DGKI: variants seen among roughly 807,000 people sequenced by gnomAD.
The protein encoded by DGKI is DAG kinase iota.
Under a neutral mutation model 147.5 loss-of-function variants are expected in DGKI, and 55 were observed. The observed-to-expected ratio is 0.37, with a 90% CI of 0.30 to 0.47. DGKI has a LOEUF of 0.47. DGKI is among the 20% of genes least tolerant of loss of function. DGKI has a pLI of 1.00. For synonymous variants in DGKI, 469 were observed against 477.1 expected, an observed-to-expected ratio of 0.98 and a Z score of 0.22; for missense variants, 1,007 against 1,323.8, an observed-to-expected ratio of 0.76 and a Z score of 3.71.
At chr7:137,511,093 TTC>T (rs1816564980) in intron 21 of DGKI, among the ~76,000 whole-genome samples, 1 of 152,202 alleles carries the variant, frequency 6.6e-6, no homozygotes, top group East Asian at 1.9e-4. Context: ...AAAATTGTGG[TTC>T]TGAGTCAATC....
At chr7:137,457,068 G>T (rs1814232911) in intron 27 of DGKI, among the ~76,000 whole-genome samples, 1 of 152,126 alleles carries the variant, frequency 6.6e-6, no homozygotes, top group East Asian at 1.9e-4. Flanking sequence ...GGTAAGTCAA[G>T]AAGAAAAAGA....
At chr7:137,654,861 A>C (rs1822162669) in intron 4 of DGKI, 73 bp from the exon 5 acceptor site, 1 of 938,644 alleles carries the variant, frequency 1.1e-6, no homozygotes. Context: ...TGAAAAAAAA[A>C]AAAACAGTGA....
intron 3 of DGKI, among the ~76,000 whole-genome samples, chr7:137,658,758 G>A (rs1030508757): frequency 2.0e-5 from 3 of 152,208 alleles, no homozygotes; most frequent in African/African-American, 7.2e-5. Context: ...TCAGGATTCT[G>A]AGTCAAAACA....
chr7:137,770,285 G>A (rs570123083), intron 1 of DGKI, among the ~76,000 whole-genome samples: 47 of 152,152 alleles, frequency 3.1e-4, no homozygotes, highest in African/African-American at 9.6e-4. Flanking sequence ...ATGGACACAG[G>A]GAGGGGAACA....
At chr7:137,736,271 G>A (rs981121331) in intron 1 of DGKI, among the ~76,000 whole-genome samples, 1 of 152,048 alleles carries the variant, frequency 6.6e-6, no homozygotes, top group Non-Finnish European at 1.5e-5. Flanking sequence ...ACCATTTCCA[G>A]TATTAAAATA....
At chr7:137,747,964 G>A (rs1313373631) in intron 1 of DGKI, among the ~76,000 whole-genome samples, 3 of 152,114 alleles carry the variant, frequency 2.0e-5, no homozygotes, top group African/African-American at 7.2e-5. Context: ...CACATTTTAC[G>A]ACAAGGAAAT....
At chr7:137,665,531 A>G (rs1335345237) in intron 3 of DGKI, among the ~76,000 whole-genome samples, 1 of 152,156 alleles carries the variant, frequency 6.6e-6, no homozygotes, top group Non-Finnish European at 1.5e-5. Flanking sequence ...ATGCTCTTCG[A>G]ACAGCGTGTT....
intron 1 of DGKI, among the ~76,000 whole-genome samples, chr7:137,763,261 ACTAT>A (rs1395594464): frequency 2.0e-5 from 3 of 152,212 alleles, no homozygotes; most frequent in Admixed American, 6.5e-5. Context: ...ATGCTATCTG[ACTAT>A]CTGACTGTCC....
At chr7:137,689,858 C>G (rs779917721) in intron 2 of DGKI, 36 bp downstream of exon 2, 2 of 1,356,010 alleles carry the variant, frequency 1.5e-6, no homozygotes, top group Admixed American at 4.9e-5. Flanking sequence ...AAAACATGCA[C>G]TGAAGTGATG....
rs375087766 is a variant in DGKI, at chr7:137,463,473, G to T, written c.2735+16C>A. The stretch of plus-strand genomic sequence containing the variant: ...CACAGTGGCACAGAGGAAAAGAACA[G>T]CAAGAGAACTCTTACTGTAGCACGC... On this transcript the variant is annotated intron_variant, in intron 27 of 32. Transcript: ENST00000614521. 2 of 1,612,878 alleles carry T rather than the reference G, an allele frequency of 1.2e-6. No homozygotes were observed. Among genetic ancestry groups the T allele is most frequent in the African/African-American group, 2.7e-5 (2 of 74,914 alleles).
chr7:137,536,148 C>T (rs1817512571), intron 20 of DGKI, among the ~76,000 whole-genome samples: 1 of 152,048 alleles, frequency 6.6e-6, no homozygotes, highest in South Asian at 2.1e-4. Flanking sequence ...CATATATGCA[C>T]ACACAAGAAA....
chr7:137,463,302 C>A (rs895150248), intron 27 of DGKI, among the ~76,000 whole-genome samples, 187 bp downstream of exon 27: 1 of 152,114 alleles, frequency 6.6e-6, no homozygotes, highest in African/African-American at 2.4e-5. Flanking sequence ...AGGTGGAGTT[C>A]CATGAACGGT....
intron 1 of DGKI, among the ~76,000 whole-genome samples, chr7:137,819,791 A>G (rs1161372533): frequency 6.6e-6 from 1 of 152,210 alleles, no homozygotes; most frequent in East Asian, 1.9e-4. Context: ...ACAGCCTGCC[A>G]GTTCATCCTG....
At chr7:137,827,015 G>T (rs1032057468) in intron 1 of DGKI, among the ~76,000 whole-genome samples, 1 of 152,128 alleles carries the variant, frequency 6.6e-6, no homozygotes, top group Admixed American at 6.6e-5. Flanking sequence ...TAAGGCATGA[G>T]AAAAGCCTGG....
intron 6 of DGKI, among the ~76,000 whole-genome samples, chr7:137,633,070 G>A (rs1384802066): frequency 3.3e-5 from 5 of 151,780 alleles, no homozygotes; most frequent in Non-Finnish European, 7.4e-5. Context: ...AAATTACTCG[G>A]GCGTGGTGAC....
At chr7:137,467,402 T>A (rs35172470) in intron 24 of DGKI, among the ~76,000 whole-genome samples, 23,328 of 152,222 alleles carry the variant, frequency 0.15, 3,675 homozygotes, top group African/African-American at 0.4. Context: ...GATCTTAAAG[T>A]AAGTTAGGAA....
chr7:137,445,488 T>G lies in DGKI; in HGVS notation c.2736-1386A>C, dbSNP rs1040666031. 3.9e-5 allele frequency among the ~76,000 whole-genome samples: 6 copies of G among 152,248 alleles called. No homozygotes were observed. The East Asian group carries it at 5.8e-4, about 15-fold the overall frequency. On this transcript the variant is annotated intron_variant, in intron 27 of 32. Transcript: ENST00000614521. ...CACCATTTGGCCTCCCTGGGTAGGG[T>G]TGATTTATCCTCCCACTGGATTCCC...
intron 1 of DGKI, among the ~76,000 whole-genome samples, chr7:137,833,184 T>C (rs187729933): frequency 1.8e-4 from 27 of 152,338 alleles, no homozygotes; most frequent in Admixed American, 1.4e-3. Context: ...TTTTCAGGTA[T>C]CTTTTCAGCA....
intron 1 of DGKI, among the ~76,000 whole-genome samples, chr7:137,791,065 G>A (rs182785413): frequency 9.7e-4 from 148 of 152,272 alleles, no homozygotes; most frequent in East Asian, 7.2e-3. Context: ...GCCCAAGTGA[G>A]CAATGGCATG....
Sources: allele counts gnomAD v4.1 joint callset (sites outside exome capture counted in the v4.1 genomes callset), GRCh38; gene constraint gnomAD v4.1.1; transcripts MANE v1.5; gene names NCBI Gene and HGNC (gene_info 2026-07-23, HGNC 2026-07-21).